The following GLB1 variants were observed in gnomAD, a reference collection of about 807,000 sequenced individuals.
The protein encoded by GLB1 is beta-galactosidase.
In GLB1, 56 loss-of-function variants were observed where a neutral mutation model predicts 74.0. The observed-to-expected ratio is 0.76, with a 90% CI of 0.61 to 0.94. GLB1 has a LOEUF of 0.94. Ranked by LOEUF, GLB1 falls within the 40% of genes least tolerant of loss-of-function variation. The probability of loss-of-function intolerance (pLI) is 0.00; values close to 1 mark genes in which losing one functional copy is unlikely to be tolerated. For synonymous variants in GLB1, 323 were observed against 323.6 expected, an observed-to-expected ratio of 1.00 and a Z score of 0.02; for missense variants, 787 against 845.5, an observed-to-expected ratio of 0.93 and a Z score of 0.86.
rs1402727898 is a variant in GLB1, at chr3:33,072,727, A to T, written c.76-14T>A. The T allele has an allele frequency of 1.2e-6, 2 of 1,614,048 alleles. 1 individual carries two copies. The highest frequency in any genetic ancestry group is 3.3e-4 in the Middle Eastern group (2 of 6,014). ...CTGGGTGGCATTCTACAGAGCAAGG[A>T]TGGGGTCACATGAGAACTTCCACCT... On this transcript the variant is annotated splice_polypyrimidine_tract_variant and intron_variant, in intron 1 of 15. Transcript: ENST00000307363.
the GLB1 span, among the ~76,000 whole-genome samples, chr3:32,977,786 T>C: frequency 2.8e-4 from 43 of 152,284 alleles, no homozygotes; most frequent in Middle Eastern, 3.4e-3. Flanking sequence ...TCCGAGAAGA[T>C]TGACAGCCTC....
chr3:33,052,154 T>G, intron 7 of GLB1, 150 bp from the exon 8 acceptor site: 1 of 1,334,660 alleles, frequency 7.5e-7, no homozygotes, highest in Non-Finnish European at 1.0e-6. Flanking sequence ...CAGTGAGCAC[T>G]TCCAATACCA....
At chr3:33,034,896 T>C in intron 10 of GLB1, 1 of 412,944 alleles carries the variant, frequency 2.4e-6, no homozygotes, top group South Asian at 2.0e-5. Context: ...TGGTTTGTAA[T>C]CTACTGTCCA....
chr3:33,063,240 T>C (rs572905809), intron 5 of GLB1, among the ~76,000 whole-genome samples: 2 of 146,302 alleles, frequency 1.4e-5, no homozygotes, highest in South Asian at 2.3e-4. Context: ...ACTTACTCTG[T>C]AAGAAAGCAG....
the GLB1 span, among the ~76,000 whole-genome samples, chr3:32,989,515 T>C: frequency 3.3e-5 from 5 of 152,292 alleles, no homozygotes; most frequent in African/African-American, 9.6e-5. Context: ...GTGTGGAGGA[T>C]TGCTTGCTCC....
At chr3:33,049,331 T>C (rs1476300973) in intron 9 of GLB1, among the ~76,000 whole-genome samples, 1 of 143,448 alleles carries the variant, frequency 7.0e-6, no homozygotes, top group Admixed American at 6.9e-5. Context: ...AGTTCCGGGA[T>C]ATATGTGCAG....
chr3:33,021,258 C>A, intron 12 of GLB1: 1 of 417,396 alleles, frequency 2.4e-6, no homozygotes, highest in Non-Finnish European at 4.5e-6. Context: ...CCACTGATGC[C>A]TAGTAATAAA....
intron 10 of GLB1, among the ~76,000 whole-genome samples, chr3:33,032,449 A>G (rs754117011): frequency 2.0e-5 from 3 of 152,082 alleles, no homozygotes; most frequent in Admixed American, 6.6e-5. Flanking sequence ...TCAGGTGCCG[A>G]TCCCAGTACC....
In GLB1 at chr3:33,021,624, A is replaced by C. The variant is rs762902581; in HGVS notation, c.1175T>G (p.Leu392Arg). Residue 392 changes from leucine to arginine, a missense_variant, in exon 12 of 16, where the codon CTG becomes CGG. Physicochemically the swap from Leu to Arg is moderately radical, Grantham distance 102. Coordinates refer to ENST00000307363, the MANE Select transcript of GLB1 (RefSeq NM_000404.4). Reference protein sequence around the residue: ...LKTVGAALDILCPSGPIKSLY... With the variant: ...LKTVGAALDIRCPSGPIKSLY... ...GCTTTTGATGGGCCCAGAGGGACAC[A>C]GAATGTCCAGAGCTGCTCCCACTGT... The C allele has an allele frequency of 1.9e-6, 3 of 1,614,084 alleles. No homozygotes were observed. The highest frequency in any genetic ancestry group is 2.5e-6 in the Non-Finnish European group (3 of 1,179,978).
At chr3:32,994,920 CAA>C (rs56169200), downstream of GLB1, among the ~76,000 whole-genome samples, 6 of 115,766 alleles carry the variant, frequency 5.2e-5, no homozygotes, top group African/African-American at 3.5e-5. Flanking sequence ...GACTCTGTTT[CAA>C]AAAAAAAAAA....
At chr3:33,034,626 A>G (rs1698193932) in intron 10 of GLB1, 3 of 725,628 alleles carry the variant, frequency 4.1e-6, no homozygotes, top group South Asian at 1.4e-5. Context: ...CACAAGTTCA[A>G]TGATGTCATG....
At chr3:32,992,591 C>T (rs188385027), downstream of GLB1, among the ~76,000 whole-genome samples, 3 of 152,346 alleles carry the variant, frequency 2.0e-5, no homozygotes, top group Admixed American at 6.5e-5. Context: ...TAGACTTACA[C>T]GATTCCCTTG....
intron 15 of GLB1, among the ~76,000 whole-genome samples, chr3:33,010,993 A>G (rs1696997360): frequency 6.6e-6 from 1 of 152,048 alleles, no homozygotes; most frequent in African/African-American, 2.4e-5. Flanking sequence ...AGTAGCTGAG[A>G]TTACAGTTAC....
At chr3:33,074,127 CAGGAG>C (rs1362548119) in intron 1 of GLB1, among the ~76,000 whole-genome samples, 1 of 150,498 alleles carries the variant, frequency 6.6e-6, no homozygotes, top group African/African-American at 2.5e-5. Flanking sequence ...ATCACGAGGT[CAGGAG>C]ATCGAAAGCA....
At chr3:33,034,077 A>G in intron 10 of GLB1, 1 of 556,240 alleles carries the variant, frequency 1.8e-6, no homozygotes, top group Non-Finnish European at 3.5e-6. Flanking sequence ...ACATATGGCA[A>G]TATCCTGGCA....
At chr3:32,974,459 T>G in the GLB1 span, among the ~76,000 whole-genome samples, 2 of 152,204 alleles carry the variant, frequency 1.3e-5, no homozygotes. Context: ...TCTATCTGTA[T>G]CTATATCCAT....
At chr3:33,031,640 AATATATATATATATATATATAT>A (rs59839075) in intron 10 of GLB1, among the ~76,000 whole-genome samples, 19 of 35,776 alleles carry the variant, frequency 5.3e-4, no homozygotes, top group African/African-American at 1.4e-3. Context: ...AAAAAAAAAA[AATATATATATATATATATATAT>A]ATATATATAT....
chr3:33,029,127 T>C (rs890033747), intron 10 of GLB1, among the ~76,000 whole-genome samples: 1 of 152,230 alleles, frequency 6.6e-6, no homozygotes, highest in African/African-American at 2.4e-5. Context: ...GATTATCATA[T>C]AGCAAAATCC....
intron 5 of GLB1, among the ~76,000 whole-genome samples, chr3:33,058,628 C>T (rs527517973): frequency 6.6e-6 from 1 of 152,198 alleles, no homozygotes; most frequent in South Asian, 2.1e-4. Context: ...GAAAAGAAAA[C>T]AGGAAAAGTA....
Sources: gnomAD v4.1 joint callset for allele counts (sites outside exome capture counted in the v4.1 genomes callset) on GRCh38, gnomAD v4.1.1 for gene constraint, MANE v1.5 for transcripts, NCBI Gene and HGNC (gene_info 2026-07-23, HGNC 2026-07-21) for gene names.